Variants in TRPM3 observed in about 807,000 individuals in gnomAD.
TRPM3 encodes long transient receptor potential channel 3.
Under a neutral mutation model 181.2 loss-of-function variants are expected in TRPM3, and 77 were observed. The observed-to-expected ratio is 0.42, with a 90% CI of 0.35 to 0.51. The LOEUF is 0.51. TRPM3 is among the 20% of genes least tolerant of loss of function. The probability of loss-of-function intolerance (pLI) is 0.01; values close to 1 mark genes in which losing one functional copy is unlikely to be tolerated. For missense variants in TRPM3, 1,759 were observed against 2,196.7 expected (o/e 0.80, Z 3.98); for synonymous variants, 745 against 796.4 (o/e 0.94, Z 1.09).
At chr9:71,225,323 G>A (rs539541607) in intron 1 of TRPM3, among the ~76,000 whole-genome samples, 2 of 151,814 alleles carry the variant, frequency 1.3e-5, no homozygotes, top group Admixed American at 1.3e-4. Context: ...AGAGTGGCAT[G>A]ACGTAAAGTG....
At chr9:70,644,849 C>T (rs2058587453) in intron 9 of TRPM3, among the ~76,000 whole-genome samples, 1 of 152,178 alleles carries the variant, frequency 6.6e-6, no homozygotes. Context: ...TGATAAGAAA[C>T]TTTGGCAAAG....
At chr9:71,065,941 A>G (rs1006516025) in intron 1 of TRPM3, among the ~76,000 whole-genome samples, 17 of 152,126 alleles carry the variant, frequency 1.1e-4, no homozygotes, top group African/African-American at 4.1e-4. Context: ...AGAGATCAAA[A>G]ATCCAACAAA....
intron 7 of TRPM3, among the ~76,000 whole-genome samples, chr9:70,771,197 G>A (rs941920754): frequency 1.3e-5 from 2 of 152,148 alleles, no homozygotes. Context: ...TTTGAAGTCT[G>A]TATGTTCTAG....
intron 1 of TRPM3, among the ~76,000 whole-genome samples, chr9:71,056,114 A>C (rs2060625639): frequency 6.6e-6 from 1 of 152,042 alleles, no homozygotes; most frequent in Non-Finnish European, 1.5e-5. Context: ...ATCTGACGGC[A>C]GAGCATGATT....
intron 6 of TRPM3, among the ~76,000 whole-genome samples, chr9:70,812,390 A>G (rs2092197585): frequency 6.6e-6 from 1 of 152,186 alleles, no homozygotes; most frequent in Admixed American, 6.5e-5. Flanking sequence ...GCCTTCTCAT[A>G]AGAATGTACT....
chr9:70,959,536 G>A (rs147835077), intron 1 of TRPM3, among the ~76,000 whole-genome samples: 1,586 of 152,076 alleles, frequency 0.01, 26 homozygotes, highest in African/African-American at 0.036. Flanking sequence ...CTTTTAAAAA[G>A]CAATCCTCTG....
At chr9:70,540,204 T>G (rs1414557211) in intron 25 of TRPM3, among the ~76,000 whole-genome samples, 1 of 152,198 alleles carries the variant, frequency 6.6e-6, no homozygotes, top group African/African-American at 2.4e-5. Flanking sequence ...ATCATGCATT[T>G]CTGTAGCACG....
At chr9:71,446,387 C>T (rs1249994357) in intron 1 of TRPM3, among the ~76,000 whole-genome samples, 1 of 152,194 alleles carries the variant, frequency 6.6e-6, no homozygotes, top group Non-Finnish European at 1.5e-5. Context: ...TATGATCTAA[C>T]AGCGAGCCCC....
rs1409753938 is a variant in TRPM3 at position 70,811,270 on chromosome 9, T to C, written c.973+16577A>G. 4 of 1,572,676 alleles carry C rather than the reference T, an allele frequency of 2.5e-6. No homozygotes were observed. The South Asian group carries it at 4.6e-5, about 18-fold the overall frequency. On this transcript the variant is annotated intron_variant, in intron 6 of 25. Coordinates refer to ENST00000677713, the MANE Select transcript of TRPM3 (RefSeq NM_001366145.2). ...CTGTCAAAAAATAAAATCTTTGAAA[T>C]TTCTACACCCTGTGGTTGCATACAC...
intron 1 of TRPM3, among the ~76,000 whole-genome samples, chr9:70,914,156 G>A (rs1256547237): frequency 6.6e-6 from 1 of 152,174 alleles, no homozygotes; most frequent in Non-Finnish European, 1.5e-5. Context: ...CCTTCCTCAT[G>A]AATGGAGTTA....
chr9:71,329,853 T>C (rs913537747), intron 1 of TRPM3, among the ~76,000 whole-genome samples: 1 of 152,220 alleles, frequency 6.6e-6, no homozygotes, highest in African/African-American at 2.4e-5. Flanking sequence ...GAGCACCTGC[T>C]ATGTGAGAGC....
At chr9:70,763,772 T>G (rs1364876876) in intron 7 of TRPM3, among the ~76,000 whole-genome samples, 1 of 152,108 alleles carries the variant, frequency 6.6e-6, no homozygotes, top group Non-Finnish European at 1.5e-5. Context: ...TAGAAAGATG[T>G]GAATCAGCAA....
intron 1 of TRPM3, among the ~76,000 whole-genome samples, chr9:71,301,972 C>T (rs1357243802): frequency 1.3e-5 from 2 of 152,086 alleles, no homozygotes; most frequent in Non-Finnish European, 1.5e-5. Flanking sequence ...TCAAATTTTG[C>T]TCTGAATGAA....
At chr9:70,608,188 G>A (rs2061491547) in intron 19 of TRPM3, among the ~76,000 whole-genome samples, 1 of 152,186 alleles carries the variant, frequency 6.6e-6, no homozygotes, top group Admixed American at 6.5e-5. Flanking sequence ...ACGTGGCCCT[G>A]CCAGAGTCTC....
At chr9:70,604,694 A>G (rs1042926917) in intron 19 of TRPM3, among the ~76,000 whole-genome samples, 1 of 152,154 alleles carries the variant, frequency 6.6e-6, no homozygotes, top group African/African-American at 2.4e-5. Context: ...CCCAGGCTGG[A>G]GTGCAGTGGC....
At chr9:71,181,069 A>G (rs2077374860) in intron 1 of TRPM3, among the ~76,000 whole-genome samples, 1 of 152,150 alleles carries the variant, frequency 6.6e-6, no homozygotes, top group South Asian at 2.1e-4. Context: ...CAGACACTTC[A>G]CGAGTTGAAT....
intron 1 of TRPM3, among the ~76,000 whole-genome samples, chr9:71,116,018 C>A (rs971533722): frequency 3.3e-5 from 5 of 152,180 alleles, no homozygotes; most frequent in African/African-American, 1.2e-4. Flanking sequence ...AAATCTGAGG[C>A]TGGCAGGCTG....
intron 1 of TRPM3, among the ~76,000 whole-genome samples, chr9:70,899,445 G>T (rs749794723): frequency 6.6e-6 from 1 of 151,838 alleles, no homozygotes; most frequent in Non-Finnish European, 1.5e-5. Context: ...CTCTCATTAC[G>T]TCCTTCCTTC....
At chr9:71,052,114 GC>G (rs1355405858) in intron 1 of TRPM3, among the ~76,000 whole-genome samples, 1 of 152,078 alleles carries the variant, frequency 6.6e-6, no homozygotes, top group Non-Finnish European at 1.5e-5. Context: ...AAGATTCACA[GC>G]CTAGTGTCCC....
Sources: allele counts gnomAD v4.1 joint callset (sites outside exome capture counted in the v4.1 genomes callset), GRCh38; gene constraint gnomAD v4.1.1; transcripts MANE v1.5; gene names NCBI Gene and HGNC (gene_info 2026-07-23, HGNC 2026-07-21).